TCF7L2: variants seen among roughly 807,000 people sequenced by gnomAD.
The protein encoded by TCF7L2 is transcription factor 7-like 2.
Under a neutral mutation model 77.9 loss-of-function variants are expected in TCF7L2, and 23 were observed. That is an observed-to-expected ratio of 0.30 (90% CI 0.21 to 0.42). TCF7L2 has a LOEUF of 0.42. Among genes scored for constraint, TCF7L2 ranks in the 10% least tolerant of loss-of-function variants. TCF7L2 has a pLI of 1.00. For synonymous variants in TCF7L2, 413 were observed against 340.2 expected, an observed-to-expected ratio of 1.21 and a Z score of -2.36; for missense variants, 654 against 793.1, an observed-to-expected ratio of 0.82 and a Z score of 2.11.
intron 8 of TCF7L2, among the ~76,000 whole-genome samples, chr10:113,148,581 GC>G (rs1363016750): frequency 1.3e-5 from 2 of 152,148 alleles, no homozygotes; most frequent in Admixed American, 6.5e-5. Flanking sequence ...TAAGAGAGAA[GC>G]CCCTGAGACA....
chr10:113,081,788 G>A (rs1051264976), intron 5 of TCF7L2, among the ~76,000 whole-genome samples: 3 of 152,138 alleles, frequency 2.0e-5, no homozygotes, highest in Non-Finnish European at 4.4e-5. Context: ...CCTTCAAAAA[G>A]ACTTGATTTA....
At chr10:112,985,135 G>A (rs2135317259) in intron 4 of TCF7L2, among the ~76,000 whole-genome samples, 1 of 152,248 alleles carries the variant, frequency 6.6e-6, no homozygotes, top group Admixed American at 6.5e-5. Context: ...TTACTTTATT[G>A]GAAAGGAAAT....
Position 113,146,106 on chromosome 10 carries a change from C to G in TCF7L2, c.875+9C>G, listed in dbSNP as rs2136991668. On this transcript the variant is annotated intron_variant, in intron 8 of 13. Transcript: ENST00000627217. ...AATGCTTCCATGTCCAGGTGAGTTC[C>G]AAGAACCGGGGCCTTCATCCAAGGC... 1 of 1,613,816 alleles carries G rather than the reference C, an allele frequency of 6.2e-7. No homozygotes were observed. Among genetic ancestry groups the G allele is most frequent in the Non-Finnish European group, 8.5e-7 (1 of 1,179,780 alleles).
chr10:113,076,108 C>T (rs1484340421), intron 5 of TCF7L2, among the ~76,000 whole-genome samples: 2 of 132,606 alleles, frequency 1.5e-5, no homozygotes, highest in African/African-American at 2.9e-5. Flanking sequence ...TGCACTCCAG[C>T]GTAGGCAACA....
chr10:113,073,671 G>A (rs559895769), intron 5 of TCF7L2, among the ~76,000 whole-genome samples: 35 of 151,116 alleles, frequency 2.3e-4, no homozygotes, highest in African/African-American at 8.3e-4. Context: ...CAGCCTGGGC[G>A]ACTGTGAGAC....
At chr10:113,056,556 C>G (rs1435338430) in intron 5 of TCF7L2, among the ~76,000 whole-genome samples, 1 of 152,134 alleles carries the variant, frequency 6.6e-6, no homozygotes, top group African/African-American at 2.4e-5. Flanking sequence ...TGAGTAATCA[C>G]CCTCCCCCAT....
intron 4 of TCF7L2, among the ~76,000 whole-genome samples, chr10:112,991,764 G>C (rs1244849254): frequency 6.6e-6 from 1 of 152,152 alleles, no homozygotes; most frequent in Admixed American, 6.5e-5. Context: ...TTTCCTCCTT[G>C]TGCTTTTTGG....
intron 4 of TCF7L2, among the ~76,000 whole-genome samples, chr10:113,028,139 C>A (rs1312577022): frequency 1.3e-5 from 2 of 152,146 alleles, no homozygotes; most frequent in Non-Finnish European, 2.9e-5. Context: ...CAAATAGAGA[C>A]AAGGATTACC....
intron 4 of TCF7L2, among the ~76,000 whole-genome samples, chr10:113,038,451 T>G (rs555559089): frequency 6.6e-6 from 1 of 152,292 alleles, no homozygotes; most frequent in South Asian, 2.1e-4. Flanking sequence ...GGCAAGTAGT[T>G]CTTGGGCAAT....
At chr10:113,064,344 G>A (rs961525654) in intron 5 of TCF7L2, among the ~76,000 whole-genome samples, 1 of 152,206 alleles carries the variant, frequency 6.6e-6, no homozygotes, top group East Asian at 1.9e-4. Context: ...TGTAAATGCG[G>A]GTAGTAGGCT....
intron 5 of TCF7L2, among the ~76,000 whole-genome samples, chr10:113,106,764 ATAAC>A (rs761453382): frequency 3.3e-5 from 5 of 152,264 alleles, no homozygotes; most frequent in African/African-American, 7.2e-5. Flanking sequence ...TGATGAATGA[ATAAC>A]TAGTCTTTCC....
intron 5 of TCF7L2, among the ~76,000 whole-genome samples, chr10:113,094,612 G>T (rs2060746868): frequency 6.6e-6 from 1 of 152,168 alleles, no homozygotes; most frequent in Non-Finnish European, 1.5e-5. Flanking sequence ...TGAATATTTT[G>T]AAATACTTCC....
intron 5 of TCF7L2, chr10:113,126,826 G>A (rs1489203660): frequency 1.0e-6 from 1 of 986,932 alleles, no homozygotes; most frequent in Non-Finnish European, 1.2e-6. Flanking sequence ...CTGGGCGCAG[G>A]CAGCATGCCC....
Position 113,054,846 on chromosome 10 carries a change from A to C in TCF7L2, c.552+14720A>C, listed in dbSNP as rs1316018020. Among the ~76,000 whole-genome samples, 4 of 151,736 alleles carry C rather than the reference A, an allele frequency of 2.6e-5. No individual in the cohort carries two copies. The South Asian group carries it at 6.2e-4, about 24-fold the overall frequency. ...AACATTCTGCAGCATGTTTTCTTTT[A>C]TTTTTATTTTTTTCTTTATTTTTAA... On this transcript the variant is annotated intron_variant, in intron 5 of 13. Coordinates refer to ENST00000627217, the MANE Select transcript of TCF7L2 (RefSeq NM_001146274.2).
At chr10:113,038,047 A>G (rs528921079) in intron 4 of TCF7L2, among the ~76,000 whole-genome samples, 1 of 152,256 alleles carries the variant, frequency 6.6e-6, no homozygotes, top group East Asian at 1.9e-4. Context: ...GGAGACTGGA[A>G]ATATTTACTT....
At chr10:113,006,965 C>G (rs1458297030) in intron 4 of TCF7L2, among the ~76,000 whole-genome samples, 4 of 152,234 alleles carry the variant, frequency 2.6e-5, no homozygotes, top group Middle Eastern at 3.2e-3. Flanking sequence ...TTCCTTCCGT[C>G]CTTTATGTGG....
chr10:113,158,669 C>T, intron 12 of TCF7L2: 1 of 1,613,616 alleles, frequency 6.2e-7, no homozygotes, highest in Non-Finnish European at 8.5e-7. Context: ...TTTTTCAGAA[C>T]ACAGCGAATG....
intron 4 of TCF7L2, among the ~76,000 whole-genome samples, chr10:112,983,935 G>A (rs900275636): frequency 6.6e-6 from 1 of 152,194 alleles, no homozygotes; most frequent in African/African-American, 2.4e-5. Flanking sequence ...TAGGGAGCTT[G>A]TCCAGAATGA....
intron 5 of TCF7L2, among the ~76,000 whole-genome samples, chr10:113,107,766 AAAAAAAAAAACAAC>A (rs1293569794): frequency 6.6e-6 from 1 of 150,880 alleles, no homozygotes; most frequent in African/African-American, 2.4e-5. Context: ...AAAAAAAAAA[AAAAAAAAAAACAAC>A]AAAAAAATCA....
Sources: gnomAD v4.1 joint callset for allele counts (sites outside exome capture counted in the v4.1 genomes callset) on GRCh38, gnomAD v4.1.1 for gene constraint, MANE v1.5 for transcripts, NCBI Gene and HGNC (gene_info 2026-07-23, HGNC 2026-07-21) for gene names.